The following DMD variants were observed in gnomAD, a reference collection of about 807,000 sequenced individuals.
The protein encoded by DMD is dystrophin.
Under a neutral mutation model 330.1 loss-of-function variants are expected in DMD, and 63 were observed. The ratio of observed to expected loss-of-function variants is 0.19; its 90% confidence interval spans 0.16 to 0.24. The LOEUF (loss-of-function observed/expected upper bound fraction) is 0.24, where lower values mean the gene tolerates loss of function less well. Among genes scored for constraint, DMD ranks in the 10% least tolerant of loss-of-function variants. The pLI, the probability that DMD is intolerant of heterozygous loss-of-function variation, is 1.00. For synonymous variants in DMD, 1,223 were observed against 959.8 expected (o/e 1.27, Z -5.07); for missense variants, 3,344 against 2,684.1 (o/e 1.25, Z -5.43).
rs1422697037 is a variant in DMD, at chrX:32,206,746, G to GT, written c.6438+10169dup. ...TGGAGGAAGTCTCTCTAAGAAAATA[G>GT]TTTAAACAATTTGTTAAAAATTTTC... On this transcript the variant is annotated intron_variant, in intron 44 of 78. Transcript: ENST00000357033. The GT allele has an allele frequency of 1.7e-5, 8 of 463,136 alleles. No homozygotes were observed. In the East Asian group the frequency reaches 3.3e-4, roughly 19 times the overall value. The allele number at this position is 463,136 out of a possible 1,213,427, so 38.2% of individuals were successfully genotyped here. A position where few individuals can be genotyped will look rare whatever the true frequency, so the allele number is the denominator to read the frequency against.
intron 30 of DMD, among the ~76,000 whole-genome samples, chrX:32,408,471 T>C (rs2098127987): frequency 8.9e-6 from 1 of 111,915 alleles, no homozygotes; most frequent in Non-Finnish European, 1.9e-5. Context: ...ACAGTATGCA[T>C]TTCCTTAGTG....
chrX:31,557,425 T>C (rs11095213), intron 55 of DMD, among the ~76,000 whole-genome samples: 16,215 of 111,091 alleles, frequency 0.15, 939 homozygotes, highest in Middle Eastern at 0.25. Context: ...CAGGGCAACA[T>C]TGGAAACAGA....
At position 31,729,736 on chromosome X, in the gene DMD, C is replaced by T. The variant is rs771877780; in HGVS notation, c.7555G>A (p.Asp2519Asn). 7 of 1,207,821 alleles carry T rather than the reference C, an allele frequency of 5.8e-6. No individual in the cohort carries two copies. In the East Asian group the frequency reaches 2.1e-4, roughly 36 times the overall value. Reference sequence around the variant, plus strand: ...AACTGGGGACGCCTCTGTTCCAAATCCTGCATTGTTGCCTGTAAGAACAAA... The same window carrying T: ...AACTGGGGACGCCTCTGTTCCAAATTCTGCATTGTTGCCTGTAAGAACAAA... ...MIIKQKATMQ[D>N]LEQRRPQLEE... The change falls in exon 52 of 79, where the codon GAT becomes AAT. Residue 2519 changes from aspartate (D) to asparagine (N), a missense_variant. Coordinates refer to ENST00000357033, the MANE Select transcript of DMD (RefSeq NM_004006.3).
At chrX:32,353,783 T>A (rs2097789678) in intron 37 of DMD, among the ~76,000 whole-genome samples, 1 of 111,331 alleles carries the variant, frequency 9.0e-6, no homozygotes, top group East Asian at 2.8e-4. Flanking sequence ...AATAAATGGA[T>A]AAATGGACAC....
At position 32,823,433 on chromosome X, in the gene DMD, C is replaced by G. The variant is rs201023949; in HGVS notation, c.265-46G>C. On this transcript the variant is annotated intron_variant, in intron 4 of 78. Transcript: ENST00000357033. ...ACATTTGAAGGTAAGAGACCAAATG[C>G]CTAGTTGCAATAATAATAATAATAA... 4 of 841,578 alleles carry G rather than the reference C, an allele frequency of 4.8e-6. No homozygotes were observed. The East Asian group carries it at 1.3e-4, about 27-fold the overall frequency. 69.4% of individuals were successfully genotyped at this position (841,578 alleles called of 1,213,427 possible). A position where few individuals can be genotyped will look rare whatever the true frequency, so the allele number is the denominator to read the frequency against.
rs756745641 is a variant in DMD at position 32,660,190 on chromosome X, T to G, written c.961-15038A>C. Among the ~76,000 whole-genome samples the G allele has an allele frequency of 4.5e-5, 5 of 111,026 alleles. No homozygotes were observed. The South Asian group carries it at 1.9e-3, about 42-fold the overall frequency. On this transcript the variant is annotated intron_variant, in intron 9 of 78. Transcript: ENST00000357033. ...AGAAAAATAAAAGTATGAAACCTTTTGATAAGTTTCCATCTCTTGTTATAC... is the reference window on the plus strand; with the variant it reads ...AGAAAAATAAAAGTATGAAACCTTTGGATAAGTTTCCATCTCTTGTTATAC...
At chrX:31,464,529 A>G (rs1321525327) in intron 59 of DMD, among the ~76,000 whole-genome samples, 1 of 112,497 alleles carries the variant, frequency 8.9e-6, no homozygotes, top group Non-Finnish European at 1.9e-5. Context: ...AAGGCATTTC[A>G]TAACAGTCAA....
chrX:32,825,108 G>C (rs896514024), intron 4 of DMD, among the ~76,000 whole-genome samples: 6 of 111,801 alleles, frequency 5.4e-5, no homozygotes, highest in East Asian at 5.6e-4. Flanking sequence ...CTTAATTCTA[G>C]TGATAGTGAC....
Position 32,898,071 on chromosome X carries a change from C to T in DMD, c.94-48251G>A, listed in dbSNP as rs141599421. On this transcript the variant is annotated intron_variant, in intron 2 of 78. Transcript: ENST00000357033. Reference sequence around the variant, plus strand: ...CTTTGGCTCTATATTTGAGCCTCCACGTAAGTCTTTAATTAATAATTTGTG... The same window carrying T: ...CTTTGGCTCTATATTTGAGCCTCCATGTAAGTCTTTAATTAATAATTTGTG... Among the ~76,000 whole-genome samples the T allele has an allele frequency of 3.6e-3, 404 of 112,033 alleles. 1 individual carries two copies. Among genetic ancestry groups the T allele is most frequent in the African/African-American group, 0.012 (375 of 30,868 alleles).
chrX:32,675,573 T>C (rs1472668121), intron 9 of DMD, among the ~76,000 whole-genome samples: 1 of 111,742 alleles, frequency 8.9e-6, no homozygotes, highest in East Asian at 2.8e-4. Flanking sequence ...AGTGTGTGCA[T>C]AAGTGTGTTT....
intron 56 of DMD, among the ~76,000 whole-genome samples, chrX:31,506,533 G>C (rs747772922): frequency 8.9e-6 from 1 of 112,352 alleles, no homozygotes; most frequent in Admixed American, 9.4e-5. Flanking sequence ...TACAATGGGC[G>C]TTTTACTTAC....
chrX:32,688,059 T>A (rs918110813), intron 9 of DMD, among the ~76,000 whole-genome samples: 4 of 112,210 alleles, frequency 3.6e-5, no homozygotes, highest in African/African-American at 1.3e-4. Flanking sequence ...GCATCTAGCC[T>A]ACATGTGGAG....
chrX:32,352,435 TA>T (rs1375231005), intron 37 of DMD, among the ~76,000 whole-genome samples: 3 of 111,012 alleles, frequency 2.7e-5, no homozygotes, highest in Non-Finnish European at 5.7e-5. Flanking sequence ...AATTATTGTA[TA>T]AACTCATAAT....
chrX:31,180,719 T>C lies in DMD; in HGVS notation c.9975-238A>G, dbSNP rs541690966. Among the ~76,000 whole-genome samples the C allele has an allele frequency of 1.4e-3, 155 of 111,362 alleles. 1 individual carries two copies. The highest frequency in any genetic ancestry group is 4.9e-3 in the African/African-American group (149 of 30,640). ...ACATATGGAAGGAGGGAAGAAAAAC[T>C]CAGCTTTTATTTAAACTCCACTAGG... On this transcript the variant is annotated intron_variant, in intron 68 of 78. Coordinates refer to ENST00000357033, the MANE Select transcript of DMD (RefSeq NM_004006.3).
chrX:32,517,802 C>T (rs2046002314), intron 18 of DMD: 1 of 451,841 alleles, frequency 2.2e-6, no homozygotes, highest in African/African-American at 2.5e-5. Context: ...AAAGGCATCC[C>T]TAGTCAGTCA....
At chrX:33,064,612 G>T (rs2094625230) in intron 1 of DMD, among the ~76,000 whole-genome samples, 2 of 112,125 alleles carry the variant, frequency 1.8e-5, no homozygotes, top group African/African-American at 3.2e-5. Context: ...TTGATGGCCA[G>T]ACGCGGTGGC....
chrX:32,564,999 C>T (rs1172269458), intron 16 of DMD, among the ~76,000 whole-genome samples: 1 of 111,528 alleles, frequency 9.0e-6, no homozygotes, highest in Non-Finnish European at 1.9e-5. Context: ...TCTTGAATGA[C>T]TACTCATTAT....
rs1176061516 is a variant in DMD, at chrX:31,120,614, A to AATT, written c.*1302_*1304dup. The stretch of plus-strand genomic sequence containing the variant: ...TTTGACTGTGAGAAGAGGGCATAAT[A>AATT]ATTTAGTTGTAATTACAGAGAACTT... On this transcript the variant is annotated 3_prime_UTR_variant, in exon 79 of 79. Coordinates refer to ENST00000357033, the MANE Select transcript of DMD (RefSeq NM_004006.3). The AATT allele has an allele frequency of 8.9e-6, 1 of 112,118 alleles. No homozygotes were observed. Among genetic ancestry groups the AATT allele is most frequent in the African/African-American group, 3.2e-5 (1 of 30,910 alleles). The allele number at this position is 112,118 out of a possible 1,213,427, so 9.2% of individuals were successfully genotyped here.
intron 1 of DMD, among the ~76,000 whole-genome samples, chrX:33,176,827 C>T (rs2049689613): frequency 9.0e-6 from 1 of 111,146 alleles, no homozygotes; most frequent in African/African-American, 3.3e-5. Context: ...ATCCCAGCTA[C>T]TCGGGAGGCT....
Sources: gnomAD v4.1 joint callset for allele counts (sites outside exome capture counted in the v4.1 genomes callset) on GRCh38, gnomAD v4.1.1 for gene constraint, MANE v1.5 for transcripts, NCBI Gene and HGNC (gene_info 2026-07-23, HGNC 2026-07-21) for gene names.